Variants in CASK observed in about 807,000 individuals in gnomAD.
CASK encodes the protein peripheral plasma membrane protein CASK.
In CASK, 4 loss-of-function variants were observed where a neutral mutation model predicts 82.9. The observed-to-expected ratio is 0.05, with a 90% confidence interval of 0.02 to 0.11. The LOEUF (loss-of-function observed/expected upper bound fraction) is 0.11, where lower values mean the gene tolerates loss of function less well. Ranked by LOEUF, CASK falls within the 10% of genes least tolerant of loss-of-function variation. The pLI, the probability that CASK is intolerant of heterozygous loss-of-function variation, is 1.00. For synonymous variants in CASK, 259 were observed against 253.5 expected (o/e 1.02, Z -0.20); for missense variants, 358 against 720.9 (o/e 0.50, Z 5.76).
At chrX:41,539,971 CAAT>C (rs891351333) in intron 22 of CASK, among the ~76,000 whole-genome samples, 1 of 112,176 alleles carries the variant, frequency 8.9e-6, no homozygotes, top group African/African-American at 3.2e-5. Context: ...GGAAGCCTAA[CAAT>C]GATATCCTGA....
intron 8 of CASK, among the ~76,000 whole-genome samples, chrX:41,645,480 G>C (rs1486610086): frequency 9.0e-6 from 1 of 110,989 alleles, no homozygotes; most frequent in Non-Finnish European, 1.9e-5. Context: ...CCCACCAGAA[G>C]ACTCAAGCTT....
chrX:41,647,148 C>G (rs961371855), intron 8 of CASK, among the ~76,000 whole-genome samples: 1 of 111,874 alleles, frequency 8.9e-6, no homozygotes, highest in Non-Finnish European at 1.9e-5. Flanking sequence ...ATTGGCAAAT[C>G]AAATTAATGA....
Position 41,578,457 on chromosome X carries a change from A to G in CASK, c.1386T>C (p.Pro462=), listed in dbSNP as rs1399380066. 1.7e-6 allele frequency: 2 copies of G among 1,205,746 alleles called. No individual in the cohort carries two copies. The highest frequency in any genetic ancestry group is 2.2e-6 in the Non-Finnish European group (2 of 889,898). Residue 462 remains proline, a synonymous_variant, in exon 15 of 27, where the codon CCT becomes CCC. Transcript: ENST00000378163. ...YSDEALRVTP[P]PTSPYLNGDS... Reference sequence around the variant, plus strand: ...CGCCGTTTAAATAGGGAGAGGTGGGAGGAGGTGTGACCCTCAATGCTTCAT... The same window carrying G: ...CGCCGTTTAAATAGGGAGAGGTGGGGGGAGGTGTGACCCTCAATGCTTCAT...
Position 41,636,512 on chromosome X carries a change from A to C in CASK, c.915+66T>G, listed in dbSNP as rs943574659. ...CATTAGTACATATTTATGGGCACCA[A>C]AATAGAATAAAAACATGATCATTAA... On this transcript the variant is annotated intron_variant, in intron 9 of 26. Coordinates refer to ENST00000378163, the MANE Select transcript of CASK (RefSeq NM_001367721.1). 5.6e-6 allele frequency: 4 copies of C among 716,848 alleles called. No individual in the cohort carries two copies. The African/African-American group carries it at 6.3e-5, about 11-fold the overall frequency. 59.1% of individuals were successfully genotyped at this position (716,848 alleles called of 1,213,427 possible).
chrX:41,665,707 C>G, intron 6 of CASK: 1 of 400,553 alleles, frequency 2.5e-6, no homozygotes, highest in Non-Finnish European at 4.3e-6. Flanking sequence ...ATTCTGCATG[C>G]TACGTAGTAG....
intron 24 of CASK, among the ~76,000 whole-genome samples, chrX:41,533,937 C>T (rs1204026457): frequency 8.9e-6 from 1 of 111,808 alleles, no homozygotes. Context: ...GAATTACAGG[C>T]ATGAGCCACC....
intron 2 of CASK, among the ~76,000 whole-genome samples, chrX:41,805,837 C>T (rs184400332): frequency 9.0e-6 from 1 of 111,161 alleles, no homozygotes; most frequent in African/African-American, 3.3e-5. Context: ...TTCAAAGATG[C>T]AAAGTCAGAC....
intron 22 of CASK, among the ~76,000 whole-genome samples, chrX:41,539,605 A>G (rs1170917110): frequency 1.8e-5 from 2 of 112,437 alleles, no homozygotes; most frequent in Non-Finnish European, 3.8e-5. Flanking sequence ...TGCCTCACCA[A>G]TGGAAGTCAA....
intron 15 of CASK, 143 bp downstream of exon 15, chrX:41,578,197 A>C (rs959989261): frequency 2.2e-6 from 1 of 447,124 alleles, no homozygotes; most frequent in South Asian, 3.6e-5. Context: ...GCAGGGGGGA[A>C]CTGAAGATCT....
chrX:41,611,350 C>T (rs1285710378), intron 11 of CASK, among the ~76,000 whole-genome samples: 2 of 110,973 alleles, frequency 1.8e-5, no homozygotes, highest in Non-Finnish European at 3.8e-5. Context: ...TAACATATAT[C>T]AAAAAGCCTT....
intron 5 of CASK, among the ~76,000 whole-genome samples, chrX:41,694,559 T>C (rs1231299045): frequency 8.9e-6 from 1 of 112,410 alleles, no homozygotes; most frequent in Non-Finnish European, 1.9e-5. Flanking sequence ...CTCAAATTAT[T>C]GAACCCAGGG....
chrX:41,863,486 G>C (rs2071531586), intron 1 of CASK, among the ~76,000 whole-genome samples: 2 of 112,176 alleles, frequency 1.8e-5, no homozygotes, highest in Non-Finnish European at 1.9e-5. Flanking sequence ...AGTGCTAAAG[G>C]CAAGCTCTTA....
At chrX:41,630,725 G>A (rs1181824114) in intron 9 of CASK, among the ~76,000 whole-genome samples, 1 of 111,672 alleles carries the variant, frequency 9.0e-6, no homozygotes, top group Non-Finnish European at 1.9e-5. Flanking sequence ...ACCAATAGGA[G>A]TGTGACAAAG....
intron 8 of CASK, among the ~76,000 whole-genome samples, chrX:41,657,105 CT>C (rs2066953863): frequency 8.9e-6 from 1 of 111,806 alleles, no homozygotes; most frequent in African/African-American, 3.3e-5. Context: ...GAGGTAATTA[CT>C]AGACTAATAT....
intron 8 of CASK, among the ~76,000 whole-genome samples, chrX:41,642,439 T>C (rs1346064193): frequency 8.9e-6 from 1 of 112,249 alleles, no homozygotes; most frequent in Non-Finnish European, 1.9e-5. Flanking sequence ...ATTGCCATTC[T>C]AACTGGTGTG....
At chrX:41,576,351 T>C (rs910698529) in intron 15 of CASK, among the ~76,000 whole-genome samples, 1 of 111,187 alleles carries the variant, frequency 9.0e-6, no homozygotes, top group Admixed American at 9.6e-5. Flanking sequence ...GAGAACTTAA[T>C]GATCCCAAGA....
At chrX:41,732,844 C>T (rs1198525286) in intron 5 of CASK, among the ~76,000 whole-genome samples, 1 of 108,841 alleles carries the variant, frequency 9.2e-6, no homozygotes, top group Non-Finnish European at 1.9e-5. Flanking sequence ...AATCCTCCTG[C>T]CTCAGCCTCT....
intron 5 of CASK, among the ~76,000 whole-genome samples, chrX:41,689,252 C>G (rs766411032): frequency 8.9e-6 from 1 of 111,847 alleles, no homozygotes; most frequent in East Asian, 2.8e-4. Flanking sequence ...ACACCTCTGC[C>G]TTGATTTCAA....
At chrX:41,664,382 G>C (rs1481922332) in intron 7 of CASK, among the ~76,000 whole-genome samples, 1 of 112,016 alleles carries the variant, frequency 8.9e-6, no homozygotes, top group Non-Finnish European at 1.9e-5. Context: ...TAGTTTTAGA[G>C]TCCAGTGTTA....
Sources: allele counts gnomAD v4.1 joint callset (sites outside exome capture counted in the v4.1 genomes callset), GRCh38; gene constraint gnomAD v4.1.1; transcripts MANE v1.5; gene names NCBI Gene and HGNC (gene_info 2026-07-23, HGNC 2026-07-21).